ZNF143: variants seen among roughly 807,000 people sequenced by gnomAD.
ZNF143 encodes SPH-binding factor.
Under a neutral mutation model 74.1 loss-of-function variants are expected in ZNF143, and 49 were observed. The observed-to-expected ratio is 0.66, with a 90% CI of 0.53 to 0.84. The LOEUF (loss-of-function observed/expected upper bound fraction) is 0.84. Ranked by LOEUF, ZNF143 falls within the 40% of genes least tolerant of loss-of-function variation. The probability of loss-of-function intolerance (pLI) is 0.00; values close to 1 mark genes in which losing one functional copy is unlikely to be tolerated. For missense variants in ZNF143, 637 were observed against 793.4 expected (o/e 0.80, Z 2.37); for synonymous variants, 304 against 282.8 (o/e 1.07, Z -0.75).
chr11:9,461,152 G>C (rs1007133758), intron 1 of ZNF143, 76 bp downstream of exon 1: 16 of 898,360 alleles, frequency 1.8e-5, no homozygotes, highest in Non-Finnish European at 2.1e-5. Flanking sequence ...GGCGGCGCGG[G>C]CCCGCTTGGG....
At position 9,502,917 on chromosome 11, in the gene ZNF143, G is replaced by A. The variant is rs909617525; in HGVS notation, c.1147+1647G>A. Among the ~76,000 whole-genome samples, 9 of 151,962 alleles carry A rather than the reference G, an allele frequency of 5.9e-5. 1 individual carries two copies. Among genetic ancestry groups the A allele is most frequent in the African/African-American group, 2.2e-4 (9 of 41,360 alleles). On this transcript the variant is annotated intron_variant, in intron 11 of 15. Coordinates refer to ENST00000396602, the MANE Select transcript of ZNF143 (RefSeq NM_003442.6). ...GCAATCTCGGCTCACTGCAAGCTCCGCCTCCTGGGTTCACACCATTCTCCT... is the reference window on the plus strand; with the variant it reads ...GCAATCTCGGCTCACTGCAAGCTCCACCTCCTGGGTTCACACCATTCTCCT...
intron 11 of ZNF143, among the ~76,000 whole-genome samples, chr11:9,501,925 CTTTTTTTTTTT>C (rs57169874): frequency 8.0e-5 from 3 of 37,440 alleles, no homozygotes; most frequent in African/African-American, 2.3e-4. Flanking sequence ...TGGATATATT[CTTTTTTTTTTT>C]TTTTTTTTTT....
In ZNF143 at chr11:9,494,737, A is replaced by G; in HGVS notation, c.737A>G (p.Lys246Arg). 6.2e-7 allele frequency: 1 copy of G among 1,612,038 alleles called. No homozygotes were observed. The highest frequency in any genetic ancestry group is 8.5e-7 in the Non-Finnish European group (1 of 1,178,096). ...AFRCEYDGCG[K>R]LYTTAHHLKV... Reference sequence around the variant, plus strand: ...CGATGTGAATATGATGGATGTGGAAAATTATATACAACAGCTCATCATCTC... The same window carrying G: ...CGATGTGAATATGATGGATGTGGAAGATTATATACAACAGCTCATCATCTC... The change falls in exon 8 of 16, where the codon AAA (lysine) becomes AGA (arginine). Residue 246 changes from lysine to arginine, a missense_variant. Physicochemically the swap from Lys to Arg is conservative, Grantham distance 26. This residue lies in a region of ZNF143 where 293 missense variants were observed against 307.8 expected (regional missense o/e 0.95). Transcript: ENST00000396602.
intron 12 of ZNF143, among the ~76,000 whole-genome samples, chr11:9,510,326 G>A (rs940201457): frequency 5.3e-5 from 8 of 151,820 alleles, no homozygotes; most frequent in East Asian, 1.9e-4. Flanking sequence ...GGGTTTCACC[G>A]TGTTAGCCAG....
intron 5 of ZNF143, among the ~76,000 whole-genome samples, chr11:9,475,452 A>G (rs1384963756): frequency 6.6e-6 from 1 of 151,308 alleles, no homozygotes; most frequent in East Asian, 2.0e-4. Flanking sequence ...TTTCTGATTA[A>G]TTTTTTTTGT....
intron 11 of ZNF143, 132 bp from the exon 12 acceptor site, chr11:9,508,487 G>T: frequency 1.3e-6 from 1 of 742,528 alleles, no homozygotes; most frequent in Non-Finnish European, 2.2e-6. Context: ...CTTGTGTGCT[G>T]CCTCATGGTG....
chr11:9,501,351 A>G, intron 11 of ZNF143, 81 bp downstream of exon 11: 2 of 1,491,340 alleles, frequency 1.3e-6, no homozygotes, highest in South Asian at 1.2e-5. Context: ...ATTTCCAACT[A>G]ATCTCTTCCC....
intron 1 of ZNF143, among the ~76,000 whole-genome samples, chr11:9,462,644 C>T (rs1232068462): frequency 6.6e-6 from 1 of 151,992 alleles, no homozygotes; most frequent in Admixed American, 6.6e-5. Flanking sequence ...GAGGCCGAGG[C>T]CAGCGGATCA....
In ZNF143 at chr11:9,461,046, A is replaced by G. The variant is rs1855784457; in HGVS notation, c.-38A>G. On this transcript the variant is annotated 5_prime_UTR_variant, in exon 1 of 16. Transcript: ENST00000396602. ...TCCTGTCCTGGTGCATGGTGGTCGG[A>G]CGAAGGAATTGTTGGAAAATTTTCT... is the stretch of plus-strand genomic sequence containing the variant. 2 of 985,580 alleles carry G rather than the reference A, an allele frequency of 2.0e-6. No individual in the cohort carries two copies. Among genetic ancestry groups the G allele is most frequent in the Non-Finnish European group, 2.4e-6 (2 of 830,020 alleles). 61.1% of individuals were successfully genotyped at this position (985,580 alleles called of 1,614,324 possible).
At chr11:9,487,391 G>A (rs527975393) in intron 7 of ZNF143, among the ~76,000 whole-genome samples, 1 of 150,278 alleles carries the variant, frequency 6.7e-6, no homozygotes, top group African/African-American at 2.5e-5. Context: ...ACGGAGTCTC[G>A]CTCTATTGCC....
intron 14 of ZNF143, among the ~76,000 whole-genome samples, chr11:9,519,912 G>A (rs950882926): frequency 1.3e-4 from 19 of 151,898 alleles, no homozygotes; most frequent in East Asian, 1.9e-4. Context: ...TAGGCTGGGC[G>A]CAGTGGCTCA....
chr11:9,484,039 C>T (rs1186515120), intron 7 of ZNF143, among the ~76,000 whole-genome samples: 1 of 151,176 alleles, frequency 6.6e-6, no homozygotes, highest in Non-Finnish European at 1.5e-5. Context: ...TGAGCCACCA[C>T]ACCCAGCTCA....
intron 13 of ZNF143, among the ~76,000 whole-genome samples, chr11:9,513,243 C>A (rs940570163): frequency 6.6e-6 from 1 of 152,194 alleles, no homozygotes; most frequent in African/African-American, 2.4e-5. Flanking sequence ...CTTCCTCTTT[C>A]ATGGAGAACG....
chr11:9,467,777 G>A (rs533416525), intron 1 of ZNF143, among the ~76,000 whole-genome samples: 33 of 146,798 alleles, frequency 2.2e-4, no homozygotes, highest in African/African-American at 7.9e-4. Flanking sequence ...TTGGGAGGTG[G>A]AAGTTACAGT....
At chr11:9,496,147 C>T (rs1207358702) in intron 8 of ZNF143, among the ~76,000 whole-genome samples, 156 bp from the exon 9 acceptor site, 1 of 152,012 alleles carries the variant, frequency 6.6e-6, no homozygotes, top group East Asian at 1.9e-4. Context: ...ATATTGAGAA[C>T]TATTGGGCTA....
chr11:9,526,379 A>T (rs1237947906), intron 15 of ZNF143, among the ~76,000 whole-genome samples: 1 of 152,066 alleles, frequency 6.6e-6, no homozygotes, highest in African/African-American at 2.4e-5. Context: ...ATGTAAAGTA[A>T]AATAGAATCC....
intron 3 of ZNF143, 113 bp downstream of exon 3, chr11:9,472,882 A>G (rs1411847611): frequency 7.0e-6 from 4 of 571,070 alleles, no homozygotes; most frequent in African/African-American, 2.0e-5. Flanking sequence ...GCTGTATTGC[A>G]TATGATGATT....
chr11:9,472,806 G>A (rs1856661062), intron 3 of ZNF143, 37 bp downstream of exon 3: 3 of 1,470,056 alleles, frequency 2.0e-6, no homozygotes, highest in Non-Finnish European at 1.8e-6. Context: ...GTTAATACCA[G>A]TGATTTATAA....
chr11:9,473,403 A>AT (rs944078417), intron 3 of ZNF143, among the ~76,000 whole-genome samples: 4 of 151,654 alleles, frequency 2.6e-5, no homozygotes, highest in Non-Finnish European at 5.9e-5. Flanking sequence ...AAAAAAAAAA[A>AT]AAAAGACATT....
Sources: allele counts gnomAD v4.1 joint callset (sites outside exome capture counted in the v4.1 genomes callset), GRCh38; gene constraint gnomAD v4.1.1; regional missense constraint gnomAD v4.1.1; transcripts MANE v1.5; gene names NCBI Gene and HGNC (gene_info 2026-07-23, HGNC 2026-07-21).